The following MTUS2 variants were observed in gnomAD, a reference collection of about 807,000 sequenced individuals.
MTUS2 encodes microtubule-associated tumor suppressor candidate 2.
In MTUS2, 40 loss-of-function variants were observed where a neutral mutation model predicts 114.1. That is an observed-to-expected ratio of 0.35 (90% CI 0.27 to 0.46). MTUS2 has a LOEUF of 0.46. Among genes scored for constraint, MTUS2 ranks in the 20% least tolerant of loss-of-function variants. The pLI is 1.00. For missense variants in MTUS2, 1,679 were observed against 1,705.4 expected, an observed-to-expected ratio of 0.98 and a Z score of 0.27; for synonymous variants, 688 against 672.0, an observed-to-expected ratio of 1.02 and a Z score of -0.37.
chr13:29,187,036 G>C (rs976600432), intron 5 of MTUS2, among the ~76,000 whole-genome samples: 1 of 151,826 alleles, frequency 6.6e-6, no homozygotes, highest in African/African-American at 2.4e-5. Context: ...AATCACAAGG[G>C]AAAAATTTGA....
At position 28,998,673 on chromosome 13, in the gene MTUS2, T is replaced by A. The variant is rs2138371449; in HGVS notation, c.-242-25784T>A. Among the ~76,000 whole-genome samples the A allele has an allele frequency of 2.0e-5, 3 of 152,378 alleles. No homozygotes were observed. The Middle Eastern group carries it at 0.01, about 518-fold the overall frequency. ...CCATTGCTGATACGCTTTCTTCCAG[T>A]TGATCGCATCGGTTACTGAGGCTTG... On this transcript the variant is annotated intron_variant, in intron 2 of 15. Coordinates refer to ENST00000612955, the MANE Select transcript of MTUS2 (RefSeq NM_001033602.4).
intron 5 of MTUS2, among the ~76,000 whole-genome samples, chr13:29,153,828 CTG>C (rs1277318897): frequency 2.6e-5 from 4 of 152,296 alleles, no homozygotes; most frequent in South Asian, 2.1e-4. Flanking sequence ...TCAGGTGACA[CTG>C]TATTTTTTAA....
intron 9 of MTUS2, among the ~76,000 whole-genome samples, chr13:29,449,815 A>G (rs1267735284): frequency 6.6e-6 from 1 of 152,232 alleles, no homozygotes; most frequent in Non-Finnish European, 1.5e-5. Flanking sequence ...ACACAGTGTG[A>G]TTTAATTGGT....
rs1282025853 is a variant in MTUS2, at chr13:29,457,105, A to C, written c.3184+17056A>C. On this transcript the variant is annotated intron_variant, in intron 9 of 15. Transcript: ENST00000612955. ...GCTTGCAGTGAGCCGAGATCGCGACACTGCACTCCAGCCTGGGCGACAGCG... is the reference window on the plus strand; with the variant it reads ...GCTTGCAGTGAGCCGAGATCGCGACCCTGCACTCCAGCCTGGGCGACAGCG... Among the ~76,000 whole-genome samples the C allele has an allele frequency of 2.0e-5, 3 of 151,272 alleles. No individual in the cohort carries two copies. The East Asian group carries it at 5.8e-4, about 29-fold the overall frequency.
intron 8 of MTUS2, among the ~76,000 whole-genome samples, chr13:29,394,493 T>G (rs942316513): frequency 1.3e-5 from 2 of 152,174 alleles, no homozygotes; most frequent in African/African-American, 4.8e-5. Context: ...ACTACAGTCC[T>G]TATTATGCAG....
chr13:28,907,495 A>G (rs926918956), intron 2 of MTUS2, among the ~76,000 whole-genome samples: 1 of 151,720 alleles, frequency 6.6e-6, no homozygotes, highest in South Asian at 2.1e-4. Flanking sequence ...AGTGTGCTGT[A>G]TTCAGGAAAC....
chr13:29,241,805 C>T (rs1230243776), intron 5 of MTUS2, among the ~76,000 whole-genome samples: 1 of 152,124 alleles, frequency 6.6e-6, no homozygotes, highest in Non-Finnish European at 1.5e-5. Flanking sequence ...GGCTAGCACA[C>T]TAGGTGAATT....
intron 8 of MTUS2, among the ~76,000 whole-genome samples, chr13:29,419,210 C>T (rs188036605): frequency 6.6e-6 from 1 of 152,286 alleles, no homozygotes; most frequent in Non-Finnish European, 1.5e-5. Flanking sequence ...CATCTTTAGG[C>T]ACCTGCTGGG....
chr13:29,147,252 T>G (rs1892475918), intron 5 of MTUS2, among the ~76,000 whole-genome samples: 1 of 152,162 alleles, frequency 6.6e-6, no homozygotes, highest in Admixed American at 6.5e-5. Flanking sequence ...ACTCCTTTCC[T>G]TGGAAAACTT....
At chr13:28,842,000 A>G (rs1875538068) in intron 2 of MTUS2, among the ~76,000 whole-genome samples, 1 of 152,084 alleles carries the variant, frequency 6.6e-6, no homozygotes, top group African/African-American at 2.4e-5. Flanking sequence ...TTGTTTTCTT[A>G]TTGTATCATT....
rs778237549 is a variant in MTUS2 at position 29,460,895 on chromosome 13, T to TA, written c.3185-19239dup. Among the ~76,000 whole-genome samples the TA allele has an allele frequency of 4.1e-3, 561 of 138,352 alleles. 4 individuals are homozygous for TA. The highest frequency in any genetic ancestry group is 0.014 in the Middle Eastern group (4 of 276). 90.8% of individuals were successfully genotyped at this position (138,352 alleles called of 152,430 possible). ...ACTCCTTGAAGGAAAGTCAACAATCTAAAAAAAAAAAAAAAATTGGCAAAA... is the reference window on the plus strand; with the variant it reads ...ACTCCTTGAAGGAAAGTCAACAATCTAAAAAAAAAAAAAAAAATTGGCAAAA... On this transcript the variant is annotated intron_variant, in intron 9 of 15. Coordinates refer to ENST00000612955, the MANE Select transcript of MTUS2 (RefSeq NM_001033602.4).
At chr13:29,052,459 C>CAAAAAAAA (rs11325314) in intron 4 of MTUS2, among the ~76,000 whole-genome samples, 2 of 94,854 alleles carry the variant, frequency 2.1e-5, no homozygotes, top group Non-Finnish European at 4.2e-5. Context: ...CTAGCCTGAG[C>CAAAAAAAA]AAAAAAAAAA....
At chr13:29,282,071 C>A (rs190900041) in intron 6 of MTUS2, among the ~76,000 whole-genome samples, 1 of 152,376 alleles carries the variant, frequency 6.6e-6, no homozygotes, top group East Asian at 1.9e-4. Flanking sequence ...CTTCCCATGA[C>A]TGGTAACCCT....
chr13:29,262,982 A>C (rs568367795), intron 5 of MTUS2, among the ~76,000 whole-genome samples: 1 of 152,252 alleles, frequency 6.6e-6, no homozygotes, highest in South Asian at 2.1e-4. Flanking sequence ...CTTTATATGC[A>C]CTTTCTCATT....
chr13:28,921,317 T>G (rs2138053118), intron 2 of MTUS2, among the ~76,000 whole-genome samples: 2 of 152,362 alleles, frequency 1.3e-5, no homozygotes, highest in South Asian at 4.1e-4. Flanking sequence ...TGGCCTATTC[T>G]GTCTCTAGAA....
intron 2 of MTUS2, among the ~76,000 whole-genome samples, chr13:28,890,852 A>G (rs1013487046): frequency 5.9e-5 from 9 of 152,068 alleles, no homozygotes; most frequent in African/African-American, 2.2e-4. Context: ...ATTCCACTTC[A>G]TTTGAGCCAG....
chr13:29,371,471 G>T (rs917550400), intron 8 of MTUS2, among the ~76,000 whole-genome samples: 1 of 152,116 alleles, frequency 6.6e-6, no homozygotes, highest in East Asian at 1.9e-4. Flanking sequence ...GCTTGCCTCG[G>T]CCTTCCAAAG....
At chr13:28,855,035 C>T (rs1238309052) in intron 2 of MTUS2, among the ~76,000 whole-genome samples, 10 of 152,168 alleles carry the variant, frequency 6.6e-5, no homozygotes, top group African/African-American at 2.2e-4. Context: ...GCTGGTTTAC[C>T]AGCTCTTCCT....
At position 29,498,519 on chromosome 13, in the gene MTUS2, T is replaced by G; in HGVS notation, c.3780T>G (p.Ile1260Met). Residue 1260 changes from isoleucine (I) to methionine (M), a missense_variant, in exon 14 of 16, where the codon ATT becomes ATG. Coordinates refer to ENST00000612955, the MANE Select transcript of MTUS2 (RefSeq NM_001033602.4). ...AAATACACGAGCAAGAAAAGAAGAT[T>G]CTTGAGCTGGAAAAGCTGGTGAGTT... is the stretch of plus-strand genomic sequence containing the variant. ...NQQIHEQEKKILELEKLAEKN... is the reference protein window; with the variant it reads ...NQQIHEQEKKMLELEKLAEKN... 6 of 1,614,100 alleles carry G rather than the reference T, an allele frequency of 3.7e-6. No homozygotes were observed. Among genetic ancestry groups the G allele is most frequent in the Non-Finnish European group, 5.1e-6 (6 of 1,180,020 alleles).
Sources: gnomAD v4.1 joint callset for allele counts (sites outside exome capture counted in the v4.1 genomes callset) on GRCh38, gnomAD v4.1.1 for gene constraint, MANE v1.5 for transcripts, NCBI Gene and HGNC (gene_info 2026-07-23, HGNC 2026-07-21) for gene names.